MYO10: variants seen among roughly 807,000 people sequenced by gnomAD.
The protein encoded by MYO10 is myosin X.
In MYO10, 133 loss-of-function variants were observed where a neutral mutation model predicts 257.3. The observed-to-expected ratio is 0.52, with a 90% confidence interval of 0.45 to 0.60. The LOEUF is 0.60. Ranked by LOEUF, MYO10 falls within the 20% of genes least tolerant of loss-of-function variation. The pLI is 0.00. For missense variants in MYO10, 2,399 were observed against 2,635.7 expected, an observed-to-expected ratio of 0.91 and a Z score of 1.97; for synonymous variants, 1,104 against 1,028.6, an observed-to-expected ratio of 1.07 and a Z score of -1.40.
At chr5:16,731,004 A>T (rs1426541404) in intron 19 of MYO10, among the ~76,000 whole-genome samples, 1 of 151,220 alleles carries the variant, frequency 6.6e-6, no homozygotes, top group Non-Finnish European at 1.5e-5. Context: ...GGCCACCTCC[A>T]AGGCTGGCAC....
intron 18 of MYO10, among the ~76,000 whole-genome samples, chr5:16,756,434 A>G (rs1740530511): frequency 1.3e-5 from 2 of 152,084 alleles, no homozygotes; most frequent in Admixed American, 1.3e-4. Context: ...TAATTGGTGG[A>G]TGCATCTTTT....
rs778312428 is a variant in MYO10, at chr5:16,701,542, G to A, written c.2853C>T (p.Asp951=). Reference sequence around the variant, plus strand: ...ACCGCTCGATATTCCGGACACACTCGTCGATCTCGTCGAAATTGAGGGACT... The same window carrying A: ...ACCGCTCGATATTCCGGACACACTCATCGATCTCGTCGAAATTGAGGGACT... The part of the protein sequence containing the change: ...FLESLNFDEI[D]ECVRNIERSL... Residue 951 remains aspartate (D), a synonymous_variant, in exon 25 of 41, where the codon GAC becomes GAT. Coordinates refer to ENST00000513610, the MANE Select transcript of MYO10 (RefSeq NM_012334.3). This position sits in a 1 kb window ranked among gnomAD's most constrained non-coding sequence, Gnocchi z 8.1. 2.9e-5 allele frequency: 47 copies of A among 1,613,776 alleles called. No homozygotes were observed. Among genetic ancestry groups the A allele is most frequent in the Non-Finnish European group, 3.6e-5 (43 of 1,179,898 alleles).
intron 28 of MYO10, 126 bp downstream of exon 28, chr5:16,689,698 G>A: frequency 1.4e-6 from 1 of 705,870 alleles, no homozygotes; most frequent in Non-Finnish European, 2.4e-6. Flanking sequence ...ATGACTCTTG[G>A]TTCTTCAAAA....
chr5:16,875,684 C>G (rs1447633737), intron 2 of MYO10, among the ~76,000 whole-genome samples: 1 of 152,196 alleles, frequency 6.6e-6, no homozygotes, highest in Non-Finnish European at 1.5e-5. Flanking sequence ...TACAGCTTAT[C>G]AAATCAAGAA....
chr5:16,829,130 G>A (rs1192348360), intron 2 of MYO10, among the ~76,000 whole-genome samples: 3 of 152,134 alleles, frequency 2.0e-5, no homozygotes, highest in Admixed American at 1.3e-4. Context: ...GATCCATGTG[G>A]GACAGGTAAT....
chr5:16,761,043 T>A (rs1254684035), intron 17 of MYO10, among the ~76,000 whole-genome samples: 4 of 152,104 alleles, frequency 2.6e-5, no homozygotes. Context: ...CAGGCTGGAC[T>A]GCAATGGCGC....
chr5:16,928,726 T>A (rs1327081450), intron 1 of MYO10, among the ~76,000 whole-genome samples: 1 of 151,080 alleles, frequency 6.6e-6, no homozygotes, highest in Non-Finnish European at 1.5e-5. Context: ...GCGCCTGTAG[T>A]CCCAGCTACT....
At chr5:16,711,326 A>C (rs1335740241) in intron 19 of MYO10, 81 bp from the exon 20 acceptor site, 31 of 1,437,658 alleles carry the variant, frequency 2.2e-5, no homozygotes, top group Non-Finnish European at 2.5e-5. Flanking sequence ...AGCCACCTCC[A>C]TCATTGGTTT....
chr5:16,710,873 G>A (rs1738566900), intron 21 of MYO10, 35 bp downstream of exon 21: 10 of 1,556,340 alleles, frequency 6.4e-6, no homozygotes, highest in African/African-American at 1.4e-5. Flanking sequence ...ATCTGTCAGG[G>A]ATTCGGTGGG....
chr5:16,752,113 A>C (rs1000392171), intron 19 of MYO10, among the ~76,000 whole-genome samples: 1 of 152,146 alleles, frequency 6.6e-6, no homozygotes, highest in Non-Finnish European at 1.5e-5. Flanking sequence ...CTGGGGACTG[A>C]GTATTTCAAA....
chr5:16,907,294 C>T (rs29447), intron 1 of MYO10, among the ~76,000 whole-genome samples: 97,435 of 151,814 alleles, frequency 0.64, 31,538 homozygotes, highest in Admixed American at 0.7. Context: ...CCAGGGCACA[C>T]GCTCTTGTAA....
chr5:16,767,047 A>G (rs1560974030), intron 10 of MYO10, among the ~76,000 whole-genome samples: 1 of 152,020 alleles, frequency 6.6e-6, no homozygotes, highest in Admixed American at 6.6e-5. Flanking sequence ...TAATAACACT[A>G]AGATGTTATC....
rs1296923812 is a variant in MYO10 at position 16,664,182 on chromosome 5, G to A, written c.*2510C>T. 6.6e-6 allele frequency: 1 copy of A among 152,070 alleles called. No individual in the cohort carries two copies. Among genetic ancestry groups the A allele is most frequent in the Non-Finnish European group, 1.5e-5 (1 of 68,028 alleles). The allele number at this position is 152,070 out of a possible 1,614,324, so 9.4% of individuals were successfully genotyped here. On this transcript the variant is annotated 3_prime_UTR_variant, in exon 41 of 41. Transcript: ENST00000513610. Reference sequence around the variant, plus strand: ...GTCTGTAATTATTTCTAAATAAAAGGCTAAAACAAAACCACAACTATGCCA... The same window carrying A: ...GTCTGTAATTATTTCTAAATAAAAGACTAAAACAAAACCACAACTATGCCA...
At chr5:16,773,580 T>A (rs531849412) in intron 9 of MYO10, among the ~76,000 whole-genome samples, 1 of 151,472 alleles carries the variant, frequency 6.6e-6, no homozygotes, top group East Asian at 1.9e-4. Flanking sequence ...GAGGATCATC[T>A]GATCCCAGGA....
chr5:16,691,528 G>A (rs573967481), intron 27 of MYO10, among the ~76,000 whole-genome samples: 8 of 151,568 alleles, frequency 5.3e-5, no homozygotes, highest in East Asian at 2.0e-4. Flanking sequence ...GTGAAATCCC[G>A]TCTCTACTAA....
At chr5:16,848,588 C>T (rs1164584128) in intron 2 of MYO10, among the ~76,000 whole-genome samples, 4 of 152,016 alleles carry the variant, frequency 2.6e-5, no homozygotes, top group South Asian at 2.1e-4. Flanking sequence ...CCCAACATCA[C>T]GTGGGGTTTG....
chr5:16,824,651 G>A (rs961589864), intron 2 of MYO10, among the ~76,000 whole-genome samples: 2 of 152,114 alleles, frequency 1.3e-5, no homozygotes, highest in Admixed American at 6.5e-5. Context: ...GGCGAATCAC[G>A]AGGTCAAGAG....
intron 19 of MYO10, among the ~76,000 whole-genome samples, chr5:16,712,698 T>C (rs2126580879): frequency 6.6e-6 from 1 of 152,366 alleles, no homozygotes; most frequent in Admixed American, 6.5e-5. Flanking sequence ...TTTGATGGAA[T>C]AGCTGCCATC....
At chr5:16,713,437 T>C (rs979838680) in intron 19 of MYO10, 1 of 985,782 alleles carries the variant, frequency 1.0e-6, no homozygotes, top group African/African-American at 1.7e-5. Flanking sequence ...GCTAAAGACA[T>C]GGAACAATAA....
Sources: gnomAD v4.1 joint callset for allele counts (sites outside exome capture counted in the v4.1 genomes callset) on GRCh38, gnomAD v4.1.1 for gene constraint, Gnocchi (gnomAD v3.1) non-coding constraint, MANE v1.5 for transcripts, NCBI Gene and HGNC (gene_info 2026-07-23, HGNC 2026-07-21) for gene names.